SLC38A11: variants seen among roughly 807,000 people sequenced by gnomAD.
SLC38A11 encodes the protein putative sodium-coupled neutral amino acid transporter 11.
In SLC38A11, 51 loss-of-function variants were observed where a neutral mutation model predicts 49.4. The observed-to-expected ratio is 1.03, with a 90% CI of 0.83 to 1.30. The LOEUF is 1.30. Ranked by LOEUF, SLC38A11 falls within the 50% of genes most tolerant of loss-of-function variation. The probability of loss-of-function intolerance (pLI) is 0.00; values close to 1 mark genes in which losing one functional copy is unlikely to be tolerated. For synonymous variants in SLC38A11, 203 were observed against 192.9 expected, an observed-to-expected ratio of 1.05 and a Z score of -0.43; for missense variants, 574 against 556.2, an observed-to-expected ratio of 1.03 and a Z score of -0.32.
intron 7 of SLC38A11, among the ~76,000 whole-genome samples, chr2:164,920,595 A>G (rs79323957): frequency 1.4e-4 from 22 of 152,290 alleles, no homozygotes; most frequent in Admixed American, 2.6e-4. Context: ...TGTGATGACT[A>G]TTGAGAGTAG....
At chr2:164,933,528 CAT>C (rs1260808012) in intron 7 of SLC38A11, among the ~76,000 whole-genome samples, 5 of 152,008 alleles carry the variant, frequency 3.3e-5, no homozygotes, top group African/African-American at 7.2e-5. Context: ...ATTTTTAAAA[CAT>C]AACCACTAAA....
chr2:164,909,815 T>A (rs1247911702), intron 10 of SLC38A11, among the ~76,000 whole-genome samples: 1 of 151,998 alleles, frequency 6.6e-6, no homozygotes, highest in Non-Finnish European at 1.5e-5. Context: ...AGAAGCCATC[T>A]CTCTAAGCTG....
intron 9 of SLC38A11, among the ~76,000 whole-genome samples, chr2:164,914,672 CAGAG>C (rs1409836320): frequency 6.6e-6 from 1 of 151,606 alleles, no homozygotes; most frequent in Non-Finnish European, 1.5e-5. Context: ...AAAAAATTAA[CAGAG>C]AGAAAGAATA....
intron 7 of SLC38A11, among the ~76,000 whole-genome samples, chr2:164,929,596 C>A (rs1156431184): frequency 6.6e-6 from 1 of 152,102 alleles, no homozygotes; most frequent in Admixed American, 6.6e-5. Flanking sequence ...AAACAGGAAG[C>A]ACAGACAGAT....
chr2:164,908,543 A>C, intron 11 of SLC38A11, 97 bp downstream of exon 11: 1 of 1,131,736 alleles, frequency 8.8e-7, no homozygotes, highest in Non-Finnish European at 1.2e-6. Flanking sequence ...TTCAAAAGTG[A>C]CACTTTTGTT....
intron 7 of SLC38A11, 93 bp from the exon 8 acceptor site, chr2:164,916,066 G>A: frequency 1.2e-6 from 1 of 844,178 alleles, no homozygotes; most frequent in Non-Finnish European, 1.9e-6. Flanking sequence ...AATATAAACT[G>A]AGTGTCTTTA....
At chr2:164,906,727 C>T (rs551486647) in intron 11 of SLC38A11, among the ~76,000 whole-genome samples, 13 of 152,272 alleles carry the variant, frequency 8.5e-5, no homozygotes, top group Non-Finnish European at 1.6e-4. Context: ...TGCTTACTTT[C>T]CTATGAGCTT....
chr2:164,902,125 C>T (rs986154959), intron 11 of SLC38A11, among the ~76,000 whole-genome samples: 3 of 150,588 alleles, frequency 2.0e-5, no homozygotes, highest in Non-Finnish European at 4.4e-5. Context: ...ATCTCCCAAG[C>T]TCAAGTGATC....
At chr2:164,939,402 G>T (rs757104708) in intron 6 of SLC38A11, 48 bp downstream of exon 6, 34 of 1,270,680 alleles carry the variant, frequency 2.7e-5, no homozygotes, top group Non-Finnish European at 3.5e-5. Context: ...AGTAGATTAT[G>T]CAGGCAACAA....
intron 9 of SLC38A11, among the ~76,000 whole-genome samples, chr2:164,914,407 G>C (rs1573908359): frequency 6.6e-6 from 1 of 152,022 alleles, no homozygotes; most frequent in East Asian, 1.9e-4. Flanking sequence ...ATCTTTGGAG[G>C]GAGGAAGAAA....
chr2:164,917,433 C>T (rs1195208460), intron 7 of SLC38A11, among the ~76,000 whole-genome samples: 2 of 152,138 alleles, frequency 1.3e-5, no homozygotes, highest in East Asian at 3.9e-4. Context: ...GCAAGAGAGG[C>T]CACAGATTGT....
chr2:164,931,217 GA>G (rs1686975097), intron 7 of SLC38A11, among the ~76,000 whole-genome samples: 1 of 97,938 alleles, frequency 1.0e-5, no homozygotes, highest in Non-Finnish European at 1.9e-5. Flanking sequence ...TCTACAATGA[GA>G]GCAACAAAAT....
At position 164,915,898 on chromosome 2, in the gene SLC38A11, C is replaced by A; in HGVS notation, c.688+5G>T. On this transcript the variant is annotated splice_donor_5th_base_variant and intron_variant, in intron 8 of 11. Transcript: ENST00000685975. Reference sequence around the variant, plus strand: ...GAGAAAGGGCCTTTGAAACCAAATACTCACCAAAAGACATAACCCCGACCG... The same window carrying A: ...GAGAAAGGGCCTTTGAAACCAAATAATCACCAAAAGACATAACCCCGACCG... 6.3e-7 allele frequency: 1 copy of A among 1,594,066 alleles called. No individual in the cohort carries two copies. The highest frequency in any genetic ancestry group is 8.6e-7 in the Non-Finnish European group (1 of 1,165,450).
chr2:164,948,475 G>C (rs1688290323), intron 3 of SLC38A11, among the ~76,000 whole-genome samples: 1 of 152,176 alleles, frequency 6.6e-6, no homozygotes, highest in Non-Finnish European at 1.5e-5. Context: ...TGAAGGTTAA[G>C]TAAATAGATC....
At chr2:164,913,168 C>T (rs1045631478) in intron 9 of SLC38A11, among the ~76,000 whole-genome samples, 1 of 151,866 alleles carries the variant, frequency 6.6e-6, no homozygotes, top group African/African-American at 2.4e-5. Context: ...GCTCTCACCC[C>T]TCCCCCCATC....
rs367785675 is a variant in SLC38A11, at chr2:164,908,697, A to C, written c.1038T>G (p.Thr346=). 1 of 1,611,358 alleles carries C rather than the reference A, an allele frequency of 6.2e-7. No homozygotes were observed. Among genetic ancestry groups the C allele is most frequent in the Admixed American group, 1.7e-5 (1 of 59,662 alleles). Residue 346 remains threonine (T), a synonymous_variant, in exon 11 of 12, where the codon ACT becomes ACG. Coordinates refer to ENST00000685975, the MANE Select transcript of SLC38A11 (RefSeq NM_001351537.2). ...TCAGCAATGACACAAGCGTGGCTAC[A>C]GTGATGACCATCACTGTTACAACAA... ...FHIVVTVMVI[T]VATLVSLLID... is the part of the protein sequence containing the mutation.
chr2:164,918,966 T>C (rs1159740129), intron 7 of SLC38A11, among the ~76,000 whole-genome samples: 3 of 152,082 alleles, frequency 2.0e-5, no homozygotes, highest in African/African-American at 7.2e-5. Flanking sequence ...CTCAATATCA[T>C]ATAAACATCA....
At chr2:164,919,026 A>G (rs1266669366) in intron 7 of SLC38A11, among the ~76,000 whole-genome samples, 1 of 152,180 alleles carries the variant, frequency 6.6e-6, no homozygotes, top group Non-Finnish European at 1.5e-5. Context: ...ACAGAAAAAA[A>G]GAAATCAAAG....
chr2:164,931,241 CAAAAAAAAAAA>C (rs71028455), intron 7 of SLC38A11, among the ~76,000 whole-genome samples: 2 of 74,786 alleles, frequency 2.7e-5, no homozygotes, highest in African/African-American at 1.1e-4. Context: ...TGATCCCCCA[CAAAAAAAAAAA>C]AAAAAAAAAA....
Sources: gnomAD v4.1 joint callset for allele counts (sites outside exome capture counted in the v4.1 genomes callset) on GRCh38, gnomAD v4.1.1 for gene constraint, MANE v1.5 for transcripts, NCBI Gene and HGNC (gene_info 2026-07-23, HGNC 2026-07-21) for gene names.